Variants in ERCC5 observed in about 807,000 individuals in gnomAD.
ERCC5 encodes ERCC excision repair 5, endonuclease, also known as DNA excision repair protein ERCC-5.
ERCC5 carries 68 observed loss-of-function variants against 105.6 expected under a neutral mutation model. That is an observed-to-expected ratio of 0.64 (90% CI 0.53 to 0.79). The LOEUF (loss-of-function observed/expected upper bound fraction) is 0.79. ERCC5 is among the 30% of genes least tolerant of loss of function. ERCC5 has a pLI of 0.00. For synonymous variants in ERCC5, 546 were observed against 526.2 expected (o/e 1.04, Z -0.51); for missense variants, 1,373 against 1,426.7 (o/e 0.96, Z 0.61).
chr13:102,851,637 G>C (rs1882208621), intron 1 of ERCC5, among the ~76,000 whole-genome samples: 1 of 152,090 alleles, frequency 6.6e-6, no homozygotes, highest in Non-Finnish European at 1.5e-5. Flanking sequence ...CTTTTAAGTT[G>C]ATTTTTATAT....
rs4150303 is a variant in ERCC5, at chr13:102,859,743, G to A, written c.672+1325G>A. ...AGAGATGTTCTAAGTCATCCATGTT[G>A]GGCCTTTGTGTGATCTGTATGTCGT... On this transcript the variant is annotated intron_variant, in intron 6 of 14. Coordinates refer to ENST00000652225, the MANE Select transcript of ERCC5 (RefSeq NM_000123.4). 5.4e-3 allele frequency among the ~76,000 whole-genome samples: 820 copies of A among 152,254 alleles called. 8 individuals are homozygous for A. Among genetic ancestry groups the A allele is most frequent in the African/African-American group, 0.019 (793 of 41,516 alleles).
At chr13:102,871,951 A>C (rs1374894016) in intron 12 of ERCC5, among the ~76,000 whole-genome samples, 3 of 152,228 alleles carry the variant, frequency 2.0e-5, no homozygotes, top group Non-Finnish European at 4.4e-5. Context: ...ACGATAGGGC[A>C]TGGCTTGTGT....
intron 11 of ERCC5, among the ~76,000 whole-genome samples, 198 bp downstream of exon 11, chr13:102,867,043 T>C (rs1286507838): frequency 1.3e-5 from 2 of 152,180 alleles, no homozygotes; most frequent in African/African-American, 4.8e-5. Flanking sequence ...AGTCCTAGTA[T>C]GTTTAGGTAG....
In ERCC5 at chr13:102,861,558, T is replaced by C; in HGVS notation, c.724T>C (p.Tyr242His). The change falls in exon 7 of 15, where the codon TAT becomes CAT. Residue 242 changes from tyrosine to histidine, a missense_variant. Transcript: ENST00000652225. ...YQLKGLLKKN[Y>H]LNQHIEHVQK... ...ACTCAAAGGCTTGCTTAAAAAGAAC[T>C]ATCTGAACCAGCATATAGAACATGT... is the stretch of plus-strand genomic sequence containing the variant. 6.2e-7 allele frequency: 1 copy of C among 1,614,148 alleles called. No individual in the cohort carries two copies.
chr13:102,872,261 G>C lies in ERCC5; in HGVS notation c.2742G>C (p.Val914=). Reference sequence around the variant, plus strand: ...GACCTAATCCTCATGACACCAAAGTGAAAAAAAAATTACGGACATTGCAAC... The same window carrying C: ...GACCTAATCCTCATGACACCAAAGTCAAAAAAAAATTACGGACATTGCAAC... ...KIRPNPHDTK[V]KKKLRTLQLT... Residue 914 remains valine (V), a synonymous_variant, in exon 13 of 15, where the codon GTG becomes GTC. Transcript: ENST00000652225. The C allele has an allele frequency of 6.2e-7, 1 of 1,612,514 alleles. No individual in the cohort carries two copies. Among genetic ancestry groups the C allele is most frequent in the Admixed American group, 1.7e-5 (1 of 59,882 alleles).
chr13:102,875,428 C>T lies in ERCC5; in HGVS notation c.3086C>T (p.Ala1029Val), dbSNP rs2140543114. The change falls in exon 15 of 15, where the codon GCA (alanine) becomes GTA (valine). Residue 1029 changes from alanine to valine, a missense_variant. Transcript: ENST00000652225. ...VTCMLRKEKE[A>V]AASEIEAVSV... ...TGTATGCTAAGGAAAGAGAAAGAAGCAGCAGCCAGCGAAATAGAAGCAGTT... is the reference window on the plus strand; with the variant it reads ...TGTATGCTAAGGAAAGAGAAAGAAGTAGCAGCCAGCGAAATAGAAGCAGTT... 1 of 1,614,104 alleles carries T rather than the reference C, an allele frequency of 6.2e-7. No individual in the cohort carries two copies. The highest frequency in any genetic ancestry group is 1.1e-5 in the South Asian group (1 of 91,074).
chr13:102,874,066 A>G (rs540896464), intron 14 of ERCC5, among the ~76,000 whole-genome samples: 9 of 152,344 alleles, frequency 5.9e-5, no homozygotes, highest in Non-Finnish European at 2.9e-5. Context: ...TGTTTTTTGG[A>G]TGACTATCTA....
At chr13:102,870,419 A>G (rs549671912) in intron 12 of ERCC5, among the ~76,000 whole-genome samples, 2 of 152,202 alleles carry the variant, frequency 1.3e-5, no homozygotes, top group African/African-American at 4.8e-5. Context: ...TGAATCCTTC[A>G]GTTTCATCAC....
rs771766957 is a variant in ERCC5, at chr13:102,854,283, T to C, written c.381-5T>C. 1.2e-6 allele frequency: 2 copies of C among 1,614,154 alleles called. No homozygotes were observed. The highest frequency in any genetic ancestry group is 8.5e-7 in the Non-Finnish European group (1 of 1,180,014). ...AATCTGTTTAAAGATTTGTGTACTTTCCAGAGATGAAGCACTACCCAGTCT... is the reference window on the plus strand; with the variant it reads ...AATCTGTTTAAAGATTTGTGTACTTCCCAGAGATGAAGCACTACCCAGTCT... On this transcript the variant is annotated splice_polypyrimidine_tract_variant and splice_region_variant and intron_variant, in intron 3 of 14. Coordinates refer to ENST00000652225, the MANE Select transcript of ERCC5 (RefSeq NM_000123.4).
At chr13:102,847,440 G>A (rs1490225756) in intron 1 of ERCC5, among the ~76,000 whole-genome samples, 1 of 151,920 alleles carries the variant, frequency 6.6e-6, no homozygotes, top group African/African-American at 2.4e-5. Flanking sequence ...GATTGGGGAC[G>A]GGAAATGGAG....
rs544950670 is a variant in ERCC5, at chr13:102,862,626, A to G, written c.1477A>G (p.Met493Val). The G allele has an allele frequency of 5.6e-6, 9 of 1,614,150 alleles. No individual in the cohort carries two copies. In the East Asian group the frequency reaches 6.7e-5, roughly 12 times the overall value. The stretch of plus-strand genomic sequence containing the variant: ...AGCCTTTCCGATAAGTGATGAGTCT[A>G]TGATTAAGGACAGAAAAGATCGGCT... ...TEAFPISDES[M>V]IKDRKDRLPL... is the part of the protein sequence containing the mutation. Residue 493 changes from methionine to valine, a missense_variant, in exon 8 of 15, where the codon ATG becomes GTG. Physicochemically the swap from Met to Val is conservative, Grantham distance 21. Transcript: ENST00000652225.
In ERCC5 at chr13:102,866,767, C is replaced by T. The variant is rs770975661; in HGVS notation, c.2455C>T (p.Arg819Trp). The change falls in exon 11 of 15, where the codon CGG (arginine) becomes TGG (tryptophan). Residue 819 changes from arginine to tryptophan, a missense_variant. This residue lies in a region of ERCC5 where 1,004 missense variants were observed against 1,059.7 expected (regional missense o/e 0.95). Coordinates refer to ENST00000652225, the MANE Select transcript of ERCC5 (RefSeq NM_000123.4). ...CAGTGATATCTGGCTGTTTGGAGCG[C>T]GGCATGTCTATAGAAACTTTTTTAA... is the stretch of plus-strand genomic sequence containing the variant. ...DDSDIWLFGA[R>W]HVYRNFFNKN... 24 of 1,614,092 alleles carry T rather than the reference C, an allele frequency of 1.5e-5. No individual in the cohort carries two copies. Among genetic ancestry groups the T allele is most frequent in the Admixed American group, 1.2e-4 (7 of 60,002 alleles).
chr13:102,856,185 G>A (rs1004698111), intron 5 of ERCC5, 73 bp downstream of exon 5: 3 of 1,484,040 alleles, frequency 2.0e-6, no homozygotes, highest in Non-Finnish European at 2.8e-6. Context: ...GAATATTAAT[G>A]AGGTATATCA....
At chr13:102,858,688 A>G (rs1228263592) in intron 6 of ERCC5, among the ~76,000 whole-genome samples, 2 of 152,130 alleles carry the variant, frequency 1.3e-5, no homozygotes, top group African/African-American at 4.8e-5. Flanking sequence ...ATATCACTTC[A>G]TAGTTCTTAG....
intron 1 of ERCC5, among the ~76,000 whole-genome samples, chr13:102,851,443 C>T (rs1166057190): frequency 2.6e-5 from 4 of 152,074 alleles, no homozygotes; most frequent in African/African-American, 9.7e-5. Context: ...TACAGGTGCG[C>T]ACCACCATGC....
In ERCC5 at chr13:102,853,150, T is replaced by G. The variant is rs552255493; in HGVS notation, c.265-607T>G. Among the ~76,000 whole-genome samples, 3 of 152,330 alleles carry G rather than the reference T, an allele frequency of 2.0e-5. No individual in the cohort carries two copies. The South Asian group carries it at 6.2e-4, about 32-fold the overall frequency. ...AGTAAGAGTGTCTAGTCTTGAATGT[T>G]GCAGTTTTCAGTTACCCAAGGCATA... On this transcript the variant is annotated intron_variant, in intron 2 of 14. Coordinates refer to ENST00000652225, the MANE Select transcript of ERCC5 (RefSeq NM_000123.4).
chr13:102,863,799 A>G (rs1340446254), intron 8 of ERCC5, among the ~76,000 whole-genome samples: 1 of 152,104 alleles, frequency 6.6e-6, no homozygotes, highest in African/African-American at 2.4e-5. Context: ...GGGATTATGC[A>G]ATGGAGAGAG....
At position 102,854,290 on chromosome 13, in the gene ERCC5, A is replaced by G; in HGVS notation, c.383A>G (p.Asp128Gly). The stretch of plus-strand genomic sequence containing the variant: ...TTAAAGATTTGTGTACTTTCCAGAG[A>G]TGAAGCACTACCCAGTCTTACCCAA... ...AIKTAFRSKR[D>G]EALPSLTQVR... Residue 128 changes from aspartate to glycine, a missense_variant and splice_region_variant, in exon 4 of 15, where the codon GAT becomes GGT. By Grantham distance (94) the Asp-to-Gly change is moderately conservative. Transcript: ENST00000652225. 1 of 1,614,190 alleles carries G rather than the reference A, an allele frequency of 6.2e-7. No homozygotes were observed. The highest frequency in any genetic ancestry group is 8.5e-7 in the Non-Finnish European group (1 of 1,180,026).
In ERCC5 at chr13:102,852,168, G is replaced by A. The variant is rs1417696811; in HGVS notation, c.139G>A (p.Gly47Arg). Residue 47 changes from glycine (G) to arginine (R), a missense_variant, in exon 2 of 15, where the codon GGG becomes AGG. By Grantham distance (125) the Gly-to-Arg change is moderately radical. Coordinates refer to ENST00000652225, the MANE Select transcript of ERCC5 (RefSeq NM_000123.4). Reference protein sequence around the residue: ...QALKGVRDRHGNSIENPHLLT... With the variant: ...QALKGVRDRHRNSIENPHLLT... ...ACTTAAAGGAGTCCGGGATCGCCAT[G>A]GGAACTCAATAGAAAATCCTCATCT... is the stretch of plus-strand genomic sequence containing the variant. 3.1e-6 allele frequency: 5 copies of A among 1,613,992 alleles called. No individual in the cohort carries two copies. Among genetic ancestry groups the A allele is most frequent in the Non-Finnish European group, 2.5e-6 (3 of 1,179,942 alleles).
Sources: allele counts gnomAD v4.1 joint callset (sites outside exome capture counted in the v4.1 genomes callset), GRCh38; gene constraint gnomAD v4.1.1; regional missense constraint gnomAD v4.1.1; transcripts MANE v1.5; gene names NCBI Gene and HGNC (gene_info 2026-07-23, HGNC 2026-07-21).